Variants in HAO2 observed in about 807,000 individuals in gnomAD.
HAO2 encodes hydroxyacid oxidase 2.
A neutral mutation model predicts 37.4 loss-of-function variants in HAO2; 42 were observed. That is an observed-to-expected ratio of 1.12 (90% CI 0.88 to 1.45). HAO2 has a LOEUF of 1.45. Ranked by LOEUF, HAO2 falls within the 40% of genes most tolerant of loss-of-function variation. The probability of loss-of-function intolerance (pLI) is 0.00; values close to 1 mark genes in which losing one functional copy is unlikely to be tolerated. For missense variants in HAO2, 476 were observed against 430.2 expected (o/e 1.11, Z -0.94); for synonymous variants, 180 against 162.8 (o/e 1.11, Z -0.81).
Position 119,382,970 on chromosome 1 carries a change from A to T in HAO2, c.187A>T (p.Thr63Ser). 1 of 1,613,572 alleles carries T rather than the reference A, an allele frequency of 6.2e-7. No individual in the cohort carries two copies. Among genetic ancestry groups the T allele is most frequent in the East Asian group, 2.2e-5 (1 of 44,798 alleles). Residue 63 changes from threonine to serine, a missense_variant, in exon 3 of 8, where the codon ACA becomes TCA. Transcript: ENST00000325945. ...TGTGTCTGAGGTGGACACCAGAACC[A>T]CAATCCAAGGGGAGGAGATCAGTGC... is the stretch of plus-strand genomic sequence containing the variant. ...RDVSEVDTRTTIQGEEISAPI... is the reference protein window; with the variant it reads ...RDVSEVDTRTSIQGEEISAPI...
intron 1 of HAO2, among the ~76,000 whole-genome samples, chr1:119,380,131 T>G (rs1380736922): frequency 6.6e-6 from 1 of 152,182 alleles, no homozygotes; most frequent in Non-Finnish European, 1.5e-5. Context: ...TTTTTCCTTC[T>G]GGAATCCTCT....
chr1:119,391,164 T>C (rs1214448624), intron 5 of HAO2, among the ~76,000 whole-genome samples: 3 of 152,060 alleles, frequency 2.0e-5, no homozygotes, highest in Non-Finnish European at 4.4e-5. Context: ...TCAGCCAAAG[T>C]ATCCCATTCA....
chr1:119,391,410 C>G (rs1650884919), intron 5 of HAO2, among the ~76,000 whole-genome samples: 1 of 152,164 alleles, frequency 6.6e-6, no homozygotes, highest in Non-Finnish European at 1.5e-5. Context: ...GTGCTCAAGG[C>G]CTATTTGCCT....
intron 1 of HAO2, among the ~76,000 whole-genome samples, chr1:119,377,786 G>A (rs1649594812): frequency 1.3e-5 from 2 of 152,344 alleles, no homozygotes; most frequent in African/African-American, 4.8e-5. Flanking sequence ...CATCAGCTCG[G>A]CCAGGCATGG....
chr1:119,385,099 A>G, intron 4 of HAO2, 46 bp downstream of exon 4: 1 of 1,578,056 alleles, frequency 6.3e-7, no homozygotes, highest in Non-Finnish European at 8.6e-7. Flanking sequence ...CAAGAGGCAA[A>G]TTTCCTTCCC....
intron 2 of HAO2, 74 bp downstream of exon 2, chr1:119,381,290 CT>C: frequency 9.7e-7 from 1 of 1,035,216 alleles, no homozygotes; most frequent in Non-Finnish European, 1.5e-6. Context: ...AGTAGTAGTC[CT>C]GGTTTCTGCC....
In HAO2 at chr1:119,386,634, C is replaced by T. The variant is rs1276470457; in HGVS notation, c.574C>T (p.Pro192Ser). The change falls in exon 5 of 8, where the codon CCT (proline) becomes TCT (serine). Residue 192 changes from proline (P) to serine (S), a missense_variant. By Grantham distance (74) the Pro-to-Ser change is moderately conservative. Transcript: ENST00000325945. Reference protein sequence around the residue: ...LQSPKKGNAIPYFQMTPISTS... With the variant: ...LQSPKKGNAISYFQMTPISTS... The stretch of plus-strand genomic sequence containing the variant: ...TTATTTCCTATAGGGAAATGCAATA[C>T]CTTATTTCCAGATGACTCCTATCAG... The T allele has an allele frequency of 6.2e-7, 1 of 1,601,322 alleles. No homozygotes were observed. Among genetic ancestry groups the T allele is most frequent in the Non-Finnish European group, 8.6e-7 (1 of 1,168,434 alleles).
intron 4 of HAO2, 102 bp from the exon 5 acceptor site, chr1:119,386,517 CCTT>C (rs771871424): frequency 1.8e-5 from 13 of 736,172 alleles, no homozygotes; most frequent in African/African-American, 5.2e-5. Flanking sequence ...TGTTCTTCCT[CCTT>C]CCAGTTTATA....
At chr1:119,387,451 G>A (rs928252896) in intron 5 of HAO2, among the ~76,000 whole-genome samples, 3 of 152,092 alleles carry the variant, frequency 2.0e-5, no homozygotes, top group African/African-American at 4.8e-5. Context: ...AGAGAAATGA[G>A]GTTTTTTCCT....
chr1:119,393,695 G>A lies in HAO2; in HGVS notation c.1001-90G>A, dbSNP rs72547203. The A allele has an allele frequency of 9.0e-4, 895 of 994,414 alleles. 2 individuals are homozygous for A. The African/African-American group carries it at 0.012, about 14-fold the overall frequency. The allele number at this position is 994,414 out of a possible 1,614,324, so 61.6% of individuals were successfully genotyped here. On this transcript the variant is annotated intron_variant, in intron 7 of 7. Coordinates refer to ENST00000325945, the MANE Select transcript of HAO2 (RefSeq NM_016527.4). ...AAGAGTGAGCACAAAGATCAAGTCA[G>A]ACTTGCTCCCCTTCATCACCCCTTA... is the stretch of plus-strand genomic sequence containing the variant.
rs1029923120 is a variant in HAO2 at position 119,373,807 on chromosome 1, C to CA, written c.-9+4912dup. Among the ~76,000 whole-genome samples, 10 of 151,450 alleles carry CA rather than the reference C, an allele frequency of 6.6e-5. No homozygotes were observed. The East Asian group carries it at 1.4e-3, about 21-fold the overall frequency. ...AGAAGGGAATTTTCATTAGTAGAAACAAAAAAAGGCTAATGAGAGTGGTTG... is the reference window on the plus strand; with the variant it reads ...AGAAGGGAATTTTCATTAGTAGAAACAAAAAAAAGGCTAATGAGAGTGGTTG... On this transcript the variant is annotated intron_variant, in intron 1 of 7. Transcript: ENST00000325945.
chr1:119,377,771 A>G (rs1649590407), intron 1 of HAO2, among the ~76,000 whole-genome samples: 1 of 152,250 alleles, frequency 6.6e-6, no homozygotes, highest in African/African-American at 2.4e-5. Context: ...TGCCCTTTAT[A>G]AAACCATCAG....
In HAO2 at chr1:119,393,940, C is replaced by T; in HGVS notation, c.*100C>T. 1 of 1,588,462 alleles carries T rather than the reference C, an allele frequency of 6.3e-7. No homozygotes were observed. Among genetic ancestry groups the T allele is most frequent in the Non-Finnish European group, 8.6e-7 (1 of 1,161,672 alleles). On this transcript the variant is annotated 3_prime_UTR_variant, in exon 8 of 8. Coordinates refer to ENST00000325945, the MANE Select transcript of HAO2 (RefSeq NM_016527.4). The stretch of plus-strand genomic sequence containing the variant: ...CTGTCCTTCCTGGACCCCATTCTGT[C>T]CGGAGGCTCATGGCCCATATTTCCC...
chr1:119,382,503 C>T (rs1396922799), intron 2 of HAO2, among the ~76,000 whole-genome samples: 1 of 152,132 alleles, frequency 6.6e-6, no homozygotes, highest in Non-Finnish European at 1.5e-5. Context: ...AGACTTGGGC[C>T]TAACCTGAGA....
In HAO2 at chr1:119,392,239, A is replaced by G; in HGVS notation, c.901A>G (p.Arg301Gly). ...TGGAGCTAAGTGCATTTTTCTTGGG[A>G]GACCAATCCTATGGGGCCTTGCCTG... ...ALGAKCIFLG[R>G]PILWGLACKG... is the part of the protein sequence containing the mutation. Residue 301 changes from arginine to glycine, a missense_variant, in exon 6 of 8, where the codon AGA (arginine) becomes GGA (glycine). Coordinates refer to ENST00000325945, the MANE Select transcript of HAO2 (RefSeq NM_016527.4). 6.2e-7 allele frequency: 1 copy of G among 1,613,242 alleles called. No individual in the cohort carries two copies. Among genetic ancestry groups the G allele is most frequent in the Non-Finnish European group, 8.5e-7 (1 of 1,179,536 alleles).
rs1396868398 is a variant in HAO2 at position 119,376,156 on chromosome 1, G to A, written c.-8-4922G>A. On this transcript the variant is annotated intron_variant, in intron 1 of 7. Transcript: ENST00000325945. Reference sequence around the variant, plus strand: ...TATGAGCCTGTAAAATCAAAAGCAAGTTAGTTACTTCCTAGATACAATGGG... The same window carrying A: ...TATGAGCCTGTAAAATCAAAAGCAAATTAGTTACTTCCTAGATACAATGGG... Among the ~76,000 whole-genome samples the A allele has an allele frequency of 3.3e-5, 5 of 152,294 alleles. No homozygotes were observed. The East Asian group carries it at 7.7e-4, about 23-fold the overall frequency.
At position 119,392,344 on chromosome 1, in the gene HAO2, T is replaced by C. The variant is rs1650979800; in HGVS notation, c.930+76T>C. Reference sequence around the variant, plus strand: ...TTCTGTGCTTTCCTGTGGTTCATTTTCCAAGCTTAGACATTTTCAAAATGA... The same window carrying C: ...TTCTGTGCTTTCCTGTGGTTCATTTCCCAAGCTTAGACATTTTCAAAATGA... On this transcript the variant is annotated intron_variant, in intron 6 of 7. Coordinates refer to ENST00000325945, the MANE Select transcript of HAO2 (RefSeq NM_016527.4). 6.4e-6 allele frequency: 8 copies of C among 1,259,378 alleles called. No homozygotes were observed. The South Asian group carries it at 8.2e-5, about 13-fold the overall frequency. The allele number at this position is 1,259,378 out of a possible 1,614,324, so 78.0% of individuals were successfully genotyped here. A position where few individuals can be genotyped will look rare whatever the true frequency, so the allele number is the denominator to read the frequency against.
intron 1 of HAO2, among the ~76,000 whole-genome samples, chr1:119,370,844 C>A (rs138631047): frequency 6.6e-6 from 1 of 152,174 alleles, no homozygotes; most frequent in African/African-American, 2.4e-5. Flanking sequence ...CCATCCCCAA[C>A]TGCTCTGCCT....
rs754902113 is a variant in HAO2 at position 119,392,288 on chromosome 1, C to T, written c.930+20C>T. ...TGCAAGGTGAGAGTGGCAAAGCAAA[C>T]CAGCAAGAAGATACAGAGCTTCTCA... is the stretch of plus-strand genomic sequence containing the variant. On this transcript the variant is annotated intron_variant, in intron 6 of 7. Coordinates refer to ENST00000325945, the MANE Select transcript of HAO2 (RefSeq NM_016527.4). 6.3e-7 allele frequency: 1 copy of T among 1,586,728 alleles called. No individual in the cohort carries two copies. The highest frequency in any genetic ancestry group is 8.6e-7 in the Non-Finnish European group (1 of 1,161,802).
Sources: gnomAD v4.1 joint callset for allele counts (sites outside exome capture counted in the v4.1 genomes callset) on GRCh38, gnomAD v4.1.1 for gene constraint, MANE v1.5 for transcripts, NCBI Gene and HGNC (gene_info 2026-07-23, HGNC 2026-07-21) for gene names.